The following BRSK2 variants were observed in gnomAD, a reference collection of about 807,000 sequenced individuals.
BRSK2 encodes the protein serine/threonine-protein kinase BRSK2.
A neutral mutation model predicts 83.3 loss-of-function variants in BRSK2; 19 were observed. The observed-to-expected ratio is 0.23, with a 90% confidence interval of 0.16 to 0.33. BRSK2 has a LOEUF of 0.33. BRSK2 is among the 10% of genes least tolerant of loss of function. BRSK2 has a pLI of 1.00. For missense variants in BRSK2, 798 were observed against 1,042.3 expected, an observed-to-expected ratio of 0.77 and a Z score of 3.23; for synonymous variants, 519 against 435.4, an observed-to-expected ratio of 1.19 and a Z score of -2.39.
Position 1,454,694 on chromosome 11 carries a change from C to G in BRSK2, c.1668+86C>G, listed in dbSNP as rs753218777. 7.8e-6 allele frequency: 12 copies of G among 1,533,430 alleles called. No homozygotes were observed. The highest frequency in any genetic ancestry group is 8.9e-6 in the Non-Finnish European group (10 of 1,124,936). The allele number at this position is 1,533,430 out of a possible 1,614,324, so 95.0% of individuals were successfully genotyped here. ...CGAGAATCCAGCCTCCTCACGTAGA[C>G]AGGACATGTCCACGCGCACAGCACG... On this transcript the variant is annotated intron_variant, in intron 16 of 19. Transcript: ENST00000528841. The surrounding 1 kb of genome is among the most constrained non-coding windows in gnomAD (Gnocchi z 5.2).
At chr11:1,414,007 T>C (rs1392137156) in intron 1 of BRSK2, among the ~76,000 whole-genome samples, 1 of 152,244 alleles carries the variant, frequency 6.6e-6, no homozygotes. Context: ...GACTTGGAAA[T>C]AGTCATGTGA....
chr11:1,442,790 G>A (rs931316135), intron 5 of BRSK2, among the ~76,000 whole-genome samples, 184 bp downstream of exon 5: 8 of 152,102 alleles, frequency 5.3e-5, no homozygotes, highest in Non-Finnish European at 1.2e-4. Context: ...CAGGCCTCCC[G>A]GCACAGTAAG....
rs531633947 is a variant in BRSK2, at chr11:1,396,476, G to A, written c.91+6101G>A. Among the ~76,000 whole-genome samples the A allele has an allele frequency of 3.9e-5, 6 of 152,324 alleles. No individual in the cohort carries two copies. In the East Asian group the frequency reaches 7.7e-4, roughly 20 times the overall value. ...TGGCCTCACCCTGCTCCGGCGCTCTGGGTGCTTTGAAGCAGACAGGAGACC... is the reference window on the plus strand; with the variant it reads ...TGGCCTCACCCTGCTCCGGCGCTCTAGGTGCTTTGAAGCAGACAGGAGACC... On this transcript the variant is annotated intron_variant, in intron 1 of 19. Coordinates refer to ENST00000528841, the MANE Select transcript of BRSK2 (RefSeq NM_001256627.2).
chr11:1,448,116 G>A (rs12278452), intron 12 of BRSK2, among the ~76,000 whole-genome samples: 96 of 152,308 alleles, frequency 6.3e-4, no homozygotes, highest in Non-Finnish European at 1.1e-3. Context: ...TGGGGCTAGA[G>A]CCCGGCGTGG....
chr11:1,443,159 T>C lies in BRSK2; in HGVS notation c.564+20T>C. 1 of 1,537,346 alleles carries C rather than the reference T, an allele frequency of 6.5e-7. No individual in the cohort carries two copies. The highest frequency in any genetic ancestry group is 8.7e-7 in the Non-Finnish European group (1 of 1,145,962). Reference sequence around the variant, plus strand: ...ATCCGGGTGAGTCAGCGCCGCCGCGTGCAGCTCTGTGGGGCCCAGGGTGGC... The same window carrying C: ...ATCCGGGTGAGTCAGCGCCGCCGCGCGCAGCTCTGTGGGGCCCAGGGTGGC... On this transcript the variant is annotated intron_variant, in intron 6 of 19. Transcript: ENST00000528841.
chr11:1,459,592 G>A (rs552723384), intron 19 of BRSK2: 74 of 322,498 alleles, frequency 2.3e-4, no homozygotes, highest in South Asian at 6.3e-4. Context: ...TCTGTCCACT[G>A]GAGGCTGTGC....
intron 1 of BRSK2, among the ~76,000 whole-genome samples, chr11:1,394,265 T>A (rs1845919058): frequency 8.7e-6 from 1 of 114,646 alleles, no homozygotes; most frequent in Non-Finnish European, 1.8e-5. Flanking sequence ...AGATGGGTCC[T>A]GGAGATGGGT....
chr11:1,429,392 G>C (rs549366362), intron 1 of BRSK2, among the ~76,000 whole-genome samples: 2 of 135,876 alleles, frequency 1.5e-5, no homozygotes, highest in East Asian at 4.3e-4. Context: ...TGTGTGCACT[G>C]AGTGTAGGCA....
intron 3 of BRSK2, among the ~76,000 whole-genome samples, chr11:1,439,819 CTCCCCTGCCCTGAGGGCTTCACACCT>C (rs1564844584): frequency 1.4e-5 from 2 of 141,052 alleles, no homozygotes; most frequent in Non-Finnish European, 3.2e-5. Flanking sequence ...GCTTCACACC[CTCCCCTGCCCTGAGGGCTTCACACCT>C]TCCCCTGCCC....
intron 1 of BRSK2, among the ~76,000 whole-genome samples, chr11:1,396,441 C>T (rs1846124891): frequency 6.6e-6 from 1 of 152,182 alleles, no homozygotes; most frequent in African/African-American, 2.4e-5. Context: ...GACCCCGGGC[C>T]CTCTCATCAT....
chr11:1,442,095 C>A (rs928394050), intron 4 of BRSK2, among the ~76,000 whole-genome samples: 3 of 149,662 alleles, frequency 2.0e-5, no homozygotes, highest in African/African-American at 7.4e-5. Flanking sequence ...GGCAGTGTGT[C>A]GGGAAGTTTT....
intron 1 of BRSK2, chr11:1,410,943 C>G: frequency 2.0e-6 from 2 of 989,354 alleles, no homozygotes; most frequent in Non-Finnish European, 2.4e-6. Flanking sequence ...AGGGCCCTTG[C>G]TGGCTGGGGT....
intron 1 of BRSK2, among the ~76,000 whole-genome samples, chr11:1,396,877 A>G (rs1303866965): frequency 5.9e-5 from 9 of 152,208 alleles, no homozygotes; most frequent in Non-Finnish European, 1.0e-4. Context: ...AGCTCTGGAC[A>G]GCCCACCTGG....
chr11:1,413,436 T>A (rs568580471), intron 1 of BRSK2, among the ~76,000 whole-genome samples: 1 of 152,134 alleles, frequency 6.6e-6, no homozygotes, highest in South Asian at 2.1e-4. Flanking sequence ...GCCTGAGCTG[T>A]CTCTGTCCAG....
At chr11:1,411,469 C>G (rs1847489445) in intron 1 of BRSK2, 1 of 1,474,136 alleles carries the variant, frequency 6.8e-7, no homozygotes, top group African/African-American at 1.5e-5. Context: ...TGTCCTTCCT[C>G]CCTCTGCTCC....
chr11:1,445,719 T>C, intron 11 of BRSK2, 38 bp from the exon 12 acceptor site: 1 of 1,610,610 alleles, frequency 6.2e-7, no homozygotes, highest in Non-Finnish European at 8.5e-7. Flanking sequence ...CCCACCGGGG[T>C]CCGGGGGCTG....
At position 1,451,943 on chromosome 11, in the gene BRSK2, G is replaced by A. The variant is rs574612467; in HGVS notation, c.1544+524G>A. 1.5e-4 allele frequency among the ~76,000 whole-genome samples: 23 copies of A among 152,236 alleles called. 2 individuals are homozygous for A. In the South Asian group the frequency reaches 4.4e-3, roughly 29 times the overall value. On this transcript the variant is annotated intron_variant, in intron 15 of 19. Coordinates refer to ENST00000528841, the MANE Select transcript of BRSK2 (RefSeq NM_001256627.2). ...CTGGGGGCCGCTGTGACTGGTGTCT[G>A]GACAAAGATGTCCCCAGAGAGACCC...
Position 1,460,574 on chromosome 11 carries a change from G to A in BRSK2, c.2062G>A (p.Ala688Thr). ...CGAGAAGAACGGGCAGGCGGCCCAG[G>A]CCCCCAGCACGCCCGCCAAGCGGAG... The part of the protein sequence containing the change: ...SDEKNGQAAQ[A>T]PSTPAKRSAH... The change falls in exon 20 of 20, where the codon GCC becomes ACC. Residue 688 changes from alanine (A) to threonine (T), a missense_variant. By Grantham distance (58) the Ala-to-Thr change is moderately conservative. Transcript: ENST00000528841. The A allele has an allele frequency of 6.5e-7, 1 of 1,531,704 alleles. No homozygotes were observed. Among genetic ancestry groups the A allele is most frequent in the Non-Finnish European group, 8.7e-7 (1 of 1,145,024 alleles). 94.9% of individuals were successfully genotyped at this position (1,531,704 alleles called of 1,614,324 possible).
At position 1,444,963 on chromosome 11, in the gene BRSK2, C is replaced by T. The variant is rs371594417; in HGVS notation, c.781-8C>T. 5.0e-6 allele frequency: 8 copies of T among 1,612,554 alleles called. No homozygotes were observed. The highest frequency in any genetic ancestry group is 4.0e-5 in the African/African-American group (3 of 75,022). On this transcript the variant is annotated splice_polypyrimidine_tract_variant and splice_region_variant and intron_variant, in intron 8 of 19. Coordinates refer to ENST00000528841, the MANE Select transcript of BRSK2 (RefSeq NM_001256627.2). ...CCGTACTAACTCCCTGTTTCTCTTTCCTTGTAGCTAGAGCACATTCAGAAA... is the reference window on the plus strand; with the variant it reads ...CCGTACTAACTCCCTGTTTCTCTTTTCTTGTAGCTAGAGCACATTCAGAAA...
Sources: allele counts gnomAD v4.1 joint callset (sites outside exome capture counted in the v4.1 genomes callset), GRCh38; gene constraint gnomAD v4.1.1; non-coding constraint Gnocchi (gnomAD v3.1); transcripts MANE v1.5; gene names NCBI Gene and HGNC (gene_info 2026-07-23, HGNC 2026-07-21).